Variants in WASF3 observed in about 807,000 individuals in gnomAD.
WASF3 encodes the protein actin-binding protein WASF3.
WASF3 carries 11 observed loss-of-function variants against 46.6 expected under a neutral mutation model. That is an observed-to-expected ratio of 0.24 (90% CI 0.15 to 0.39). The LOEUF (loss-of-function observed/expected upper bound fraction) is 0.39, where lower values mean the gene tolerates loss of function less well. Among genes scored for constraint, WASF3 ranks in the 10% least tolerant of loss-of-function variants. The pLI is 1.00. For synonymous variants in WASF3, 242 were observed against 259.7 expected, an observed-to-expected ratio of 0.93 and a Z score of 0.65; for missense variants, 576 against 669.8, an observed-to-expected ratio of 0.86 and a Z score of 1.55.
Position 26,682,447 on chromosome 13 carries a change from ATAAC to A in WASF3, c.984-158_984-155del, listed in dbSNP as rs1389190456. On this transcript the variant is annotated intron_variant, in intron 8 of 9. Coordinates refer to ENST00000335327, the MANE Select transcript of WASF3 (RefSeq NM_006646.6). The surrounding 1 kb of genome is among the most constrained non-coding windows in gnomAD (Gnocchi z 4.4). Reference sequence around the variant, plus strand: ...TAATGAATAATGTCAAACTGTGAAAATAACTGACCCAAGGTGTGCATGTTTGCAT... The same window carrying A: ...TAATGAATAATGTCAAACTGTGAAAATGACCCAAGGTGTGCATGTTTGCAT... Among the ~76,000 whole-genome samples the A allele has an allele frequency of 2.0e-5, 3 of 152,188 alleles. No individual in the cohort carries two copies. Among genetic ancestry groups the A allele is most frequent in the Admixed American group, 2.0e-4 (3 of 15,284 alleles).
At chr13:26,609,303 A>G (rs1880899566) in intron 1 of WASF3, 1 of 152,164 alleles carries the variant, frequency 6.6e-6, no homozygotes, top group Admixed American at 6.5e-5. Context: ...GTATCATGAG[A>G]TAAACTCTGT....
chr13:26,540,360 G>A, the WASF3 span, among the ~76,000 whole-genome samples: 1 of 152,140 alleles, frequency 6.6e-6, no homozygotes, highest in Non-Finnish European at 1.5e-5. Flanking sequence ...ACCCTTGAAG[G>A]TCAGAGTCCT....
At chr13:26,637,312 C>T (rs1362745717) in intron 2 of WASF3, among the ~76,000 whole-genome samples, 1 of 152,142 alleles carries the variant, frequency 6.6e-6, no homozygotes, top group Admixed American at 6.5e-5. Context: ...TGTTTAGACT[C>T]AACAATATCA....
At chr13:26,599,138 A>G (rs958693222) in intron 1 of WASF3, among the ~76,000 whole-genome samples, 4 of 149,822 alleles carry the variant, frequency 2.7e-5, no homozygotes, top group African/African-American at 9.8e-5. Flanking sequence ...CTGGGATTAC[A>G]GGCGTCAGCC....
At chr13:26,670,285 T>G in intron 5 of WASF3, among the ~76,000 whole-genome samples, 1 of 151,234 alleles carries the variant, frequency 6.6e-6, no homozygotes, top group East Asian at 1.9e-4. Flanking sequence ...TCTCCACTCA[T>G]AAGTGGGAGT....
chr13:26,613,574 C>A (rs1197155711), intron 2 of WASF3, among the ~76,000 whole-genome samples: 2 of 152,180 alleles, frequency 1.3e-5, no homozygotes, highest in East Asian at 3.9e-4. Context: ...TCGCGACCAT[C>A]CTGGCTAACA....
intron 2 of WASF3, among the ~76,000 whole-genome samples, chr13:26,640,215 A>G (rs899185228): frequency 1.3e-5 from 2 of 152,038 alleles, no homozygotes; most frequent in African/African-American, 2.4e-5. Context: ...CTGAGATCAC[A>G]TTTCAACATG....
chr13:26,556,781 T>G (rs930388811), upstream of WASF3, among the ~76,000 whole-genome samples: 1 of 152,270 alleles, frequency 6.6e-6, no homozygotes, highest in Non-Finnish European at 1.5e-5. Flanking sequence ...TAGTGTTTCT[T>G]GAACTATTCA....
At chr13:26,602,451 G>C (rs1215319437) in intron 1 of WASF3, among the ~76,000 whole-genome samples, 1 of 152,090 alleles carries the variant, frequency 6.6e-6, no homozygotes, top group Admixed American at 6.5e-5. Flanking sequence ...GTGGCATGAT[G>C]GTGGGCCATT....
chr13:26,681,026 T>A (rs1031923218), intron 7 of WASF3, 28 bp from the exon 8 acceptor site: 1 of 1,575,858 alleles, frequency 6.3e-7, no homozygotes, highest in African/African-American at 1.4e-5. Flanking sequence ...AATTTAAATT[T>A]CTCCCACCTC....
In WASF3 at chr13:26,688,274, T is replaced by G. The variant is rs2137535395; in HGVS notation, c.*2429T>G. The G allele has an allele frequency of 6.6e-6, 1 of 152,362 alleles. No individual in the cohort carries two copies. Among genetic ancestry groups the G allele is most frequent in the South Asian group, 2.1e-4 (1 of 4,828 alleles). The allele number at this position is 152,362 out of a possible 1,614,324, so 9.4% of individuals were successfully genotyped here. On this transcript the variant is annotated 3_prime_UTR_variant, in exon 10 of 10. Transcript: ENST00000335327. ...AATTTTCAGTTTCATTTTCAAAAACTATTTACCAAAACAAATGGAGAAGAA... is the reference window on the plus strand; with the variant it reads ...AATTTTCAGTTTCATTTTCAAAAACGATTTACCAAAACAAATGGAGAAGAA...
chr13:26,631,646 G>T (rs888618842), intron 2 of WASF3, among the ~76,000 whole-genome samples: 5 of 152,148 alleles, frequency 3.3e-5, no homozygotes, highest in African/African-American at 9.7e-5. Context: ...GATTGTCTTG[G>T]CAATGTGGGC....
At chr13:26,595,364 C>T (rs1449981187) in intron 1 of WASF3, among the ~76,000 whole-genome samples, 7 of 152,174 alleles carry the variant, frequency 4.6e-5, no homozygotes, top group Admixed American at 3.3e-4. Context: ...GTAATAATCT[C>T]ACAGAACATG....
chr13:26,547,069 G>A, the WASF3 span, among the ~76,000 whole-genome samples: 10 of 150,820 alleles, frequency 6.6e-5, no homozygotes, highest in South Asian at 2.1e-4. Context: ...ACCTAGATTC[G>A]TTTTATTTAA....
intron 1 of WASF3, among the ~76,000 whole-genome samples, chr13:26,601,118 A>G (rs1294408135): frequency 6.6e-6 from 1 of 152,210 alleles, no homozygotes; most frequent in Non-Finnish European, 1.5e-5. Flanking sequence ...TTACTTTTGT[A>G]TTAAGATTTG....
chr13:26,643,584 CATA>C (rs1373665693), intron 3 of WASF3, among the ~76,000 whole-genome samples: 1 of 152,160 alleles, frequency 6.6e-6, no homozygotes, highest in African/African-American at 2.4e-5. Context: ...TACAAATTCA[CATA>C]ATTACATGAA....
chr13:26,619,940 A>G (rs942555056), intron 2 of WASF3, among the ~76,000 whole-genome samples: 1 of 152,186 alleles, frequency 6.6e-6, no homozygotes, highest in Non-Finnish European at 1.5e-5. Flanking sequence ...CTGGTAAGAC[A>G]CAGAAATGAA....
intron 2 of WASF3, chr13:26,622,601 T>TC (rs1020493027): frequency 3.3e-5 from 5 of 152,176 alleles, no homozygotes; most frequent in African/African-American, 7.2e-5. Context: ...ACTCATATGT[T>TC]CACTCATTGA....
chr13:26,667,766 A>G, intron 5 of WASF3, 96 bp downstream of exon 5: 2 of 1,240,524 alleles, frequency 1.6e-6, no homozygotes, highest in Non-Finnish European at 2.2e-6. Context: ...AATGTCCTTG[A>G]TGGTTCATCT....
Sources: allele counts gnomAD v4.1 joint callset (sites outside exome capture counted in the v4.1 genomes callset), GRCh38; gene constraint gnomAD v4.1.1; non-coding constraint Gnocchi (gnomAD v3.1); transcripts MANE v1.5; gene names NCBI Gene and HGNC (gene_info 2026-07-23, HGNC 2026-07-21).